Variants in TRIM24 observed in about 807,000 individuals in gnomAD.
TRIM24 encodes transcription intermediary factor 1-alpha.
Under a neutral mutation model 123.9 loss-of-function variants are expected in TRIM24, and 29 were observed. The observed-to-expected ratio is 0.23, with a 90% CI of 0.17 to 0.32. The LOEUF (loss-of-function observed/expected upper bound fraction) is 0.32, where lower values mean the gene tolerates loss of function less well. Among genes scored for constraint, TRIM24 ranks in the 10% least tolerant of loss-of-function variants. TRIM24 has a pLI of 1.00. For synonymous variants in TRIM24, 456 were observed against 461.1 expected, an observed-to-expected ratio of 0.99 and a Z score of 0.14; for missense variants, 932 against 1,295.3, an observed-to-expected ratio of 0.72 and a Z score of 4.31.
intron 1 of TRIM24, among the ~76,000 whole-genome samples, chr7:138,492,146 A>G (rs1187667492): frequency 2.0e-5 from 3 of 151,480 alleles, no homozygotes; most frequent in Non-Finnish European, 2.9e-5. Flanking sequence ...GTGGTACATG[A>G]CTGTAGTCCC....
chr7:138,568,521 G>T (rs1048549987), intron 10 of TRIM24, among the ~76,000 whole-genome samples: 1 of 150,806 alleles, frequency 6.6e-6, no homozygotes, highest in African/African-American at 2.4e-5. Flanking sequence ...AGAGTAGCTG[G>T]GATTACAGGC....
intron 1 of TRIM24, among the ~76,000 whole-genome samples, chr7:138,466,089 C>T (rs1209085553): frequency 1.3e-5 from 2 of 152,158 alleles, no homozygotes; most frequent in Non-Finnish European, 2.9e-5. Flanking sequence ...CTGCAACCTC[C>T]ACCTCCAGGG....
chr7:138,506,914 G>A (rs577745074), intron 2 of TRIM24, among the ~76,000 whole-genome samples: 10 of 152,140 alleles, frequency 6.6e-5, no homozygotes, highest in Non-Finnish European at 1.5e-4. Context: ...AATTAGCGTG[G>A]TAGCAATAAG....
Position 138,580,662 on chromosome 7 carries a change from G to T in TRIM24, c.2686G>T (p.Gly896Cys). The change falls in exon 16 of 19, where the codon GGC becomes TGC. Residue 896 changes from glycine to cysteine, a missense_variant. Around this residue, in one of 7 missense-constraint regions of TRIM24, gnomAD observed 45 missense variants for 56.6 expected, o/e 0.80. Transcript: ENST00000343526. Reference protein sequence around the residue: ...SHNSEKKKTEGLVKLTPIDKR... With the variant: ...SHNSEKKKTECLVKLTPIDKR... ...CAACTCAGAAAAAAAGAAAACTGAA[G>T]GCCTTGTTAAGTTAACACCTATAGA... 1 of 1,613,688 alleles carries T rather than the reference G, an allele frequency of 6.2e-7. No individual in the cohort carries two copies. Among genetic ancestry groups the T allele is most frequent in the Non-Finnish European group, 8.5e-7 (1 of 1,179,838 alleles).
chr7:138,508,708 CGTGTGTGTGTGCGTGTGTGTGT>C (rs1272968199), intron 2 of TRIM24, among the ~76,000 whole-genome samples: 2 of 136,194 alleles, frequency 1.5e-5, no homozygotes, highest in African/African-American at 2.7e-5. Flanking sequence ...CGCGTGTGTG[CGTGTGTGTGTGCGTGTGTGTGT>C]GTGTGTGTGT....
At chr7:138,574,414 G>A (rs1055118837) in intron 12 of TRIM24, among the ~76,000 whole-genome samples, 10 of 152,254 alleles carry the variant, frequency 6.6e-5, no homozygotes, top group South Asian at 2.1e-4. Context: ...GGGGATGCCC[G>A]TTTTAAACAA....
At chr7:138,575,488 C>T (rs1354109347) in intron 12 of TRIM24, among the ~76,000 whole-genome samples, 3 of 140,310 alleles carry the variant, frequency 2.1e-5, no homozygotes, top group African/African-American at 5.5e-5. Flanking sequence ...TGGTTAGAGA[C>T]GGGTCTTTGT....
Position 138,463,580 on chromosome 7 carries a change from A to T in TRIM24, c.364+2668A>T, listed in dbSNP as rs866498029. 7.9e-5 allele frequency among the ~76,000 whole-genome samples: 12 copies of T among 152,272 alleles called. No individual in the cohort carries two copies. In the South Asian group the frequency reaches 1.9e-3, roughly 24 times the overall value. Reference sequence around the variant, plus strand: ...TTAAACAGGCTTGTAGCCAATTAAGATCTGAATTGTGCATGATTATAGAAT... The same window carrying T: ...TTAAACAGGCTTGTAGCCAATTAAGTTCTGAATTGTGCATGATTATAGAAT... On this transcript the variant is annotated intron_variant, in intron 1 of 18. Transcript: ENST00000343526.
chr7:138,583,799 G>A (rs765895902), intron 17 of TRIM24, 51 bp from the exon 18 acceptor site: 25 of 1,266,326 alleles, frequency 2.0e-5, no homozygotes, highest in Non-Finnish European at 3.3e-6. Context: ...ATATATTTAG[G>A]ACAAGGTGGA....
chr7:138,463,042 T>TG lies in TRIM24; in HGVS notation c.364+2131dup, dbSNP rs1441137875. Among the ~76,000 whole-genome samples the TG allele has an allele frequency of 1.3e-4, 14 of 106,394 alleles. No homozygotes were observed. In the South Asian group the frequency reaches 3.6e-3, roughly 27 times the overall value. 69.8% of individuals were successfully genotyped at this position (106,394 alleles called of 152,430 possible). ...GCGCCACCACGTCCGGCTAATTTTG[T>TG]GTTTTTTTTTTTTTTTTTTTTTTTT... On this transcript the variant is annotated intron_variant, in intron 1 of 18. Transcript: ENST00000343526.
At chr7:138,500,643 G>A (rs1234916643) in intron 1 of TRIM24, among the ~76,000 whole-genome samples, 3 of 151,498 alleles carry the variant, frequency 2.0e-5, no homozygotes, top group Non-Finnish European at 4.4e-5. Context: ...GGAGGCCAAG[G>A]CAGGAGGATC....
chr7:138,472,697 G>C (rs1480436113), intron 1 of TRIM24, among the ~76,000 whole-genome samples: 9 of 152,138 alleles, frequency 5.9e-5, no homozygotes, highest in Non-Finnish European at 1.3e-4. Context: ...TTGAAGCAGG[G>C]TATTTTAGGG....
intron 16 of TRIM24, 56 bp from the exon 17 acceptor site, chr7:138,581,641 C>A: frequency 2.1e-6 from 3 of 1,421,058 alleles, no homozygotes; most frequent in Non-Finnish European, 2.9e-6. Context: ...TTAAAATAAG[C>A]TGTGAATTCA....
intron 9 of TRIM24, among the ~76,000 whole-genome samples, chr7:138,561,689 T>C (rs924116180): frequency 6.6e-6 from 1 of 152,198 alleles, no homozygotes; most frequent in East Asian, 1.9e-4. Flanking sequence ...CATGATCCTA[T>C]GACCTGAATT....
At chr7:138,475,789 C>T (rs1795383579) in intron 1 of TRIM24, among the ~76,000 whole-genome samples, 1 of 152,182 alleles carries the variant, frequency 6.6e-6, no homozygotes, top group South Asian at 2.1e-4. Context: ...GAATTACAGG[C>T]GTGAGCCACT....
At chr7:138,508,708 C>CGCGTGTGTGCGT (rs139423741) in intron 2 of TRIM24, among the ~76,000 whole-genome samples, 14 of 136,188 alleles carry the variant, frequency 1.0e-4, no homozygotes, top group Non-Finnish European at 1.6e-4. Flanking sequence ...CGCGTGTGTG[C>CGCGTGTGTGCGT]GTGTGTGTGT....
chr7:138,462,492 T>C (rs1043850518), intron 1 of TRIM24, among the ~76,000 whole-genome samples: 6 of 150,826 alleles, frequency 4.0e-5, no homozygotes, highest in Non-Finnish European at 8.9e-5. Context: ...AGGCGCCCGC[T>C]ACCACGCCCG....
chr7:138,520,906 C>T (rs533821122), intron 4 of TRIM24, among the ~76,000 whole-genome samples: 6 of 152,062 alleles, frequency 3.9e-5, no homozygotes, highest in Non-Finnish European at 8.8e-5. Flanking sequence ...ATGGAAAGTA[C>T]AGAGAATGGG....
chr7:138,519,692 T>A (rs974555425), intron 4 of TRIM24, among the ~76,000 whole-genome samples: 2 of 152,196 alleles, frequency 1.3e-5, no homozygotes, highest in African/African-American at 4.8e-5. Flanking sequence ...TTAAAATATA[T>A]AGAACTAGTT....
Sources: gnomAD v4.1 joint callset for allele counts (sites outside exome capture counted in the v4.1 genomes callset) on GRCh38, gnomAD v4.1.1 for gene constraint, gnomAD v4.1.1 regional missense constraint, MANE v1.5 for transcripts, NCBI Gene and HGNC (gene_info 2026-07-23, HGNC 2026-07-21) for gene names.